The following RBMS3 variants were observed in gnomAD, a reference collection of about 807,000 sequenced individuals.
RBMS3 encodes RNA-binding motif, single-stranded-interacting protein 3.
In RBMS3, 27 loss-of-function variants were observed where a neutral mutation model predicts 66.8. The observed-to-expected ratio is 0.40, with a 90% confidence interval of 0.30 to 0.56. The LOEUF (loss-of-function observed/expected upper bound fraction) is 0.56, where lower values mean the gene tolerates loss of function less well. Ranked by LOEUF, RBMS3 falls within the 20% of genes least tolerant of loss-of-function variation. The pLI, the probability that RBMS3 is intolerant of heterozygous loss-of-function variation, is 0.40. For missense variants in RBMS3, 513 were observed against 549.5 expected (o/e 0.93, Z 0.66); for synonymous variants, 188 against 183.0 (o/e 1.03, Z -0.22).
chr3:29,837,757 T>C (rs910909086), intron 6 of RBMS3, among the ~76,000 whole-genome samples: 1 of 145,600 alleles, frequency 6.9e-6, no homozygotes, highest in African/African-American at 2.5e-5. Flanking sequence ...TATGATTTGT[T>C]GATTTTATGC....
chr3:29,701,320 T>TA (rs1402769168), intron 4 of RBMS3, among the ~76,000 whole-genome samples: 2 of 152,124 alleles, frequency 1.3e-5, no homozygotes, highest in East Asian at 1.9e-4. Flanking sequence ...TAGTGAATGT[T>TA]ACCTCCGTAA....
intron 1 of RBMS3, among the ~76,000 whole-genome samples, chr3:29,354,087 G>T (rs977943561): frequency 6.6e-6 from 1 of 151,838 alleles, no homozygotes; most frequent in African/African-American, 2.4e-5. Flanking sequence ...ATTTTTGTTT[G>T]GTGGTAGGTG....
chr3:29,353,320 TTG>T (rs1329317754), intron 1 of RBMS3, among the ~76,000 whole-genome samples: 1 of 152,032 alleles, frequency 6.6e-6, no homozygotes, highest in East Asian at 1.9e-4. Flanking sequence ...GCATTTGACT[TTG>T]TGTGTATTGG....
At chr3:29,348,288 C>G (rs899166234) in intron 1 of RBMS3, among the ~76,000 whole-genome samples, 4 of 152,088 alleles carry the variant, frequency 2.6e-5, no homozygotes, top group African/African-American at 7.2e-5. Flanking sequence ...AAATAATTCC[C>G]CAAAGGGGAC....
At chr3:29,936,917 A>G (rs2061281522) in intron 11 of RBMS3, among the ~76,000 whole-genome samples, 1 of 152,100 alleles carries the variant, frequency 6.6e-6, no homozygotes, top group African/African-American at 2.4e-5. Context: ...GCCTAATACA[A>G]TCTAGAATAC....
At chr3:29,622,819 G>A (rs1212275252) in intron 4 of RBMS3, among the ~76,000 whole-genome samples, 1 of 152,060 alleles carries the variant, frequency 6.6e-6, no homozygotes, top group African/African-American at 2.4e-5. Flanking sequence ...CTGTAAAATG[G>A]GATTAAAAAG....
intron 1 of RBMS3, among the ~76,000 whole-genome samples, chr3:29,321,012 C>T (rs749181950): frequency 3.3e-5 from 5 of 151,742 alleles, no homozygotes; most frequent in Non-Finnish European, 7.4e-5. Context: ...TTGAGGAATA[C>T]ATTGAGTTAA....
At chr3:29,920,563 G>A (rs981351398) in intron 10 of RBMS3, among the ~76,000 whole-genome samples, 4 of 151,940 alleles carry the variant, frequency 2.6e-5, no homozygotes, top group Non-Finnish European at 4.4e-5. Flanking sequence ...ACTAGGATGG[G>A]GTGAAATCAT....
intron 4 of RBMS3, among the ~76,000 whole-genome samples, chr3:29,592,819 T>C (rs2047794684): frequency 6.6e-6 from 1 of 151,998 alleles, no homozygotes; most frequent in African/African-American, 2.4e-5. Context: ...CATGGAATAC[T>C]ATGCAGCCAT....
intron 4 of RBMS3, among the ~76,000 whole-genome samples, chr3:29,702,700 C>G (rs889883149): frequency 2.0e-5 from 3 of 151,994 alleles, no homozygotes; most frequent in African/African-American, 7.3e-5. Flanking sequence ...ACGAACAACT[C>G]CAGATGCACC....
At chr3:29,756,142 A>T (rs2055403929) in intron 5 of RBMS3, among the ~76,000 whole-genome samples, 1 of 152,082 alleles carries the variant, frequency 6.6e-6, no homozygotes, top group South Asian at 2.1e-4. Context: ...TCTGACACCA[A>T]ATGTGTGGGT....
intron 2 of RBMS3, among the ~76,000 whole-genome samples, chr3:29,462,064 C>T (rs371318338): frequency 5.3e-5 from 8 of 151,452 alleles, no homozygotes; most frequent in East Asian, 1.9e-4. Flanking sequence ...CGTGAGCCAC[C>T]GCGCCCGGCT....
intron 14 of RBMS3, among the ~76,000 whole-genome samples, chr3:29,995,743 G>A (rs1229677752): frequency 6.6e-6 from 1 of 152,132 alleles, no homozygotes; most frequent in Admixed American, 6.5e-5. Context: ...CACCAGGCCT[G>A]CCTTACAAGA....
intron 5 of RBMS3, among the ~76,000 whole-genome samples, chr3:29,761,214 C>T (rs545928662): frequency 9.9e-5 from 15 of 152,126 alleles, no homozygotes; most frequent in African/African-American, 3.1e-4. Context: ...CCCTGCTTGG[C>T]GGTAGAGATT....
At chr3:30,001,128 G>A (rs1699590079) in intron 14 of RBMS3, among the ~76,000 whole-genome samples, 1 of 152,000 alleles carries the variant, frequency 6.6e-6, no homozygotes, top group South Asian at 2.1e-4. Context: ...ATTCTTTCAA[G>A]GACAATTTTT....
intron 1 of RBMS3, among the ~76,000 whole-genome samples, chr3:29,396,758 G>A (rs1486400159): frequency 1.3e-5 from 2 of 152,072 alleles, no homozygotes; most frequent in Non-Finnish European, 2.9e-5. Context: ...ACCTTTCTCT[G>A]TTTGAAATCA....
At chr3:29,770,511 G>A (rs1319066436) in intron 6 of RBMS3, among the ~76,000 whole-genome samples, 1 of 151,868 alleles carries the variant, frequency 6.6e-6, no homozygotes, top group Non-Finnish European at 1.5e-5. Flanking sequence ...GATTAAAGTA[G>A]TTGTAATTTC....
At chr3:29,581,180 A>G (rs540061560) in intron 3 of RBMS3, among the ~76,000 whole-genome samples, 1 of 152,302 alleles carries the variant, frequency 6.6e-6, no homozygotes, top group South Asian at 2.1e-4. Context: ...CGGCTTTACT[A>G]TAATGATCAC....
In RBMS3 at chr3:29,625,787, C is replaced by T. The variant is rs533330918; in HGVS notation, c.399+38582C>T. The stretch of plus-strand genomic sequence containing the variant: ...CTTCTTTAGAGCCACCATCCATCAG[C>T]TTTGACAGCTTTTTGTGATCTATGG... On this transcript the variant is annotated intron_variant, in intron 4 of 14. Coordinates refer to ENST00000383767, the MANE Select transcript of RBMS3 (RefSeq NM_001003793.3). 5.3e-5 allele frequency among the ~76,000 whole-genome samples: 8 copies of T among 152,146 alleles called. No homozygotes were observed. The South Asian group carries it at 8.3e-4, about 16-fold the overall frequency.
Sources: allele counts gnomAD v4.1 joint callset (sites outside exome capture counted in the v4.1 genomes callset), GRCh38; gene constraint gnomAD v4.1.1; transcripts MANE v1.5; gene names NCBI Gene and HGNC (gene_info 2026-07-23, HGNC 2026-07-21).